Variants in EPHB1 observed in about 807,000 individuals in gnomAD.
The protein encoded by EPHB1 is ephrin type-B receptor 1.
A neutral mutation model predicts 94.4 loss-of-function variants in EPHB1; 30 were observed. The ratio of observed to expected loss-of-function variants is 0.32; its 90% CI spans 0.24 to 0.43. The LOEUF (loss-of-function observed/expected upper bound fraction) is 0.43, where lower values mean the gene tolerates loss of function less well. Among genes scored for constraint, EPHB1 ranks in the 20% least tolerant of loss-of-function variants. EPHB1 has a pLI of 1.00. For missense variants in EPHB1, 1,055 were observed against 1,308.3 expected, an observed-to-expected ratio of 0.81 and a Z score of 2.99; for synonymous variants, 522 against 489.1, an observed-to-expected ratio of 1.07 and a Z score of -0.89.
chr3:134,811,662 T>C (rs529941641), intron 1 of EPHB1, among the ~76,000 whole-genome samples: 1 of 152,306 alleles, frequency 6.6e-6, no homozygotes, highest in East Asian at 1.9e-4. Context: ...CAAACCGTTA[T>C]AAGATCTAAG....
At chr3:134,933,956 C>T (rs192032634) in intron 2 of EPHB1, among the ~76,000 whole-genome samples, 1 of 152,286 alleles carries the variant, frequency 6.6e-6, no homozygotes, top group East Asian at 1.9e-4. Flanking sequence ...GAGGCCCAGC[C>T]TCCCTGCTGT....
intron 1 of EPHB1, among the ~76,000 whole-genome samples, chr3:134,843,860 GTTT>G (rs1343213087): frequency 6.6e-6 from 1 of 152,146 alleles, no homozygotes; most frequent in Non-Finnish European, 1.5e-5. Context: ...CTACTTTGAA[GTTT>G]TTGTCTGCTG....
At chr3:135,197,250 C>G (rs957662812) in intron 11 of EPHB1, among the ~76,000 whole-genome samples, 22 of 152,162 alleles carry the variant, frequency 1.4e-4, no homozygotes, top group Admixed American at 7.2e-4. Flanking sequence ...GCTGCTGGTT[C>G]TTTCACAGAT....
At chr3:134,803,638 G>A (rs542569860) in intron 1 of EPHB1, among the ~76,000 whole-genome samples, 59 of 152,246 alleles carry the variant, frequency 3.9e-4, no homozygotes, top group African/African-American at 1.3e-3. Context: ...TATACATATT[G>A]GTCCCCATAT....
intron 3 of EPHB1, among the ~76,000 whole-genome samples, chr3:135,006,814 A>T (rs184476904): frequency 1.4e-3 from 194 of 142,368 alleles, no homozygotes; most frequent in African/African-American, 5.1e-3. Context: ...TTGATATATG[A>T]TGCCAAGTTT....
At chr3:135,052,636 C>A (rs980895091) in intron 3 of EPHB1, among the ~76,000 whole-genome samples, 3 of 150,816 alleles carry the variant, frequency 2.0e-5, no homozygotes, top group Admixed American at 6.6e-5. Flanking sequence ...CCGAGGCGGG[C>A]GGATCACGAG....
At chr3:134,888,960 A>G (rs918217122) in intron 1 of EPHB1, among the ~76,000 whole-genome samples, 2 of 152,152 alleles carry the variant, frequency 1.3e-5, no homozygotes, top group Non-Finnish European at 2.9e-5. Context: ...GGCAGATTCC[A>G]GTAGCAGAGG....
intron 3 of EPHB1, among the ~76,000 whole-genome samples, chr3:134,974,549 C>T (rs540173241): frequency 2.3e-4 from 35 of 151,024 alleles, no homozygotes; most frequent in East Asian, 5.9e-4. Flanking sequence ...GCATGCATAG[C>T]GTGCTGTGTC....
At chr3:134,804,561 G>T (rs565795235) in intron 1 of EPHB1, among the ~76,000 whole-genome samples, 4 of 152,140 alleles carry the variant, frequency 2.6e-5, no homozygotes, top group African/African-American at 9.7e-5. Context: ...GTGTGTGTGG[G>T]GGGGAGGAAT....
chr3:135,050,214 C>T (rs1937129114), intron 3 of EPHB1, among the ~76,000 whole-genome samples: 1 of 152,146 alleles, frequency 6.6e-6, no homozygotes, highest in Non-Finnish European at 1.5e-5. Context: ...TTAGATTACA[C>T]ATGATTTTGC....
chr3:135,085,845 A>G (rs1418302710), intron 3 of EPHB1, among the ~76,000 whole-genome samples: 1 of 152,182 alleles, frequency 6.6e-6, no homozygotes, highest in Non-Finnish European at 1.5e-5. Flanking sequence ...TGGGTTTGAA[A>G]TGATGGTCTT....
intron 7 of EPHB1, 92 bp from the exon 8 acceptor site, chr3:135,165,876 A>G: frequency 1.2e-6 from 1 of 864,038 alleles, no homozygotes; most frequent in Non-Finnish European, 1.9e-6. Context: ...ACATATATGT[A>G]TATTTAGATC....
chr3:135,088,807 T>G (rs908436545), intron 3 of EPHB1, among the ~76,000 whole-genome samples: 1 of 152,218 alleles, frequency 6.6e-6, no homozygotes, highest in Non-Finnish European at 1.5e-5. Flanking sequence ...AATGTTGACT[T>G]TGAAAAATAG....
intron 5 of EPHB1, among the ~76,000 whole-genome samples, chr3:135,141,490 T>C (rs116092690): frequency 0.015 from 2,213 of 152,278 alleles, 26 homozygotes; most frequent in Non-Finnish European, 0.022. Flanking sequence ...TGTCACATGC[T>C]GGTGCTGCCT....
chr3:135,128,943 G>A (rs917224688), intron 4 of EPHB1, among the ~76,000 whole-genome samples: 1 of 152,110 alleles, frequency 6.6e-6, no homozygotes, highest in African/African-American at 2.4e-5. Flanking sequence ...ATGATACACC[G>A]CAGGGCATGT....
At chr3:134,947,795 A>T (rs902031144) in intron 2 of EPHB1, among the ~76,000 whole-genome samples, 10 of 152,004 alleles carry the variant, frequency 6.6e-5, no homozygotes, top group African/African-American at 2.4e-4. Context: ...CATGCTGCTT[A>T]TTTTATTTTA....
At chr3:135,156,649 G>A (rs1338376831) in intron 6 of EPHB1, among the ~76,000 whole-genome samples, 2 of 152,210 alleles carry the variant, frequency 1.3e-5, no homozygotes, top group Non-Finnish European at 2.9e-5. Flanking sequence ...GGATTAAGCG[G>A]CATTCTATTC....
At chr3:135,220,620 G>A (rs1475048671) in intron 12 of EPHB1, among the ~76,000 whole-genome samples, 1 of 143,120 alleles carries the variant, frequency 7.0e-6, no homozygotes, top group Non-Finnish European at 1.5e-5. Context: ...TTCCTGGTCA[G>A]CAATGACTTT....
chr3:134,895,664 T>C (rs749296011), intron 1 of EPHB1, among the ~76,000 whole-genome samples: 1 of 152,138 alleles, frequency 6.6e-6, no homozygotes, highest in Admixed American at 6.5e-5. Context: ...TAAGCAAAAG[T>C]GAATTCTGTA....
Sources: gnomAD v4.1 joint callset for allele counts (sites outside exome capture counted in the v4.1 genomes callset) on GRCh38, gnomAD v4.1.1 for gene constraint, MANE v1.5 for transcripts, NCBI Gene and HGNC (gene_info 2026-07-23, HGNC 2026-07-21) for gene names.